The following PCDHGB2 variants were observed in gnomAD, a reference collection of about 807,000 sequenced individuals.
PCDHGB2 encodes the protein protocadherin gamma subfamily B, 2, also known as protocadherin gamma-B2.
In PCDHGB2, 55 loss-of-function variants were observed where a neutral mutation model predicts 59.3. That is an observed-to-expected ratio of 0.93 (90% CI 0.75 to 1.16). The LOEUF is 1.16. Ranked by LOEUF, PCDHGB2 falls within the 50% of genes most tolerant of loss-of-function variation. PCDHGB2 has a pLI of 0.00. For missense variants in PCDHGB2, 1,228 were observed against 1,198.5 expected (o/e 1.02, Z -0.36); for synonymous variants, 516 against 512.0 (o/e 1.01, Z -0.11).
chr5:141,407,123 C>T (rs1271155338), intron 1 of PCDHGB2, among the ~76,000 whole-genome samples: 2 of 152,078 alleles, frequency 1.3e-5, no homozygotes, highest in East Asian at 3.8e-4. Context: ...GTTTCAGTTG[C>T]TTTATTTTTA....
chr5:141,409,907 C>T (rs1370065492), intron 1 of PCDHGB2: 1 of 1,613,294 alleles, frequency 6.2e-7, no homozygotes, highest in East Asian at 2.2e-5. Flanking sequence ...AGCTCTGGGT[C>T]CTGACGGCTC....
chr5:141,431,020 G>A lies in PCDHGB2; in HGVS notation c.2422-63787G>A, dbSNP rs941765907. On this transcript the variant is annotated intron_variant, in intron 1 of 3. Transcript: ENST00000522605. This position sits in a 1 kb window ranked among gnomAD's most constrained non-coding sequence, Gnocchi z 4.8. ...CGCGCAGCGGCAGCTTGGTCACGGC[G>A]GGCAGGATAGACCGGGAGGAGCTCT... The A allele has an allele frequency of 9.9e-6, 16 of 1,614,050 alleles. No homozygotes were observed. Among genetic ancestry groups the A allele is most frequent in the East Asian group, 4.5e-5 (2 of 44,886 alleles).
At chr5:141,382,958 TG>T in intron 1 of PCDHGB2, 1 of 1,606,924 alleles carries the variant, frequency 6.2e-7, no homozygotes, top group Middle Eastern at 1.7e-4. Flanking sequence ...TCCATCCTCC[TG>T]GGGACCCCCT....
intron 2 of PCDHGB2, among the ~76,000 whole-genome samples, chr5:141,499,575 T>TCCCTA (rs2099792820): frequency 1.3e-5 from 2 of 152,202 alleles, no homozygotes; most frequent in Non-Finnish European, 2.9e-5. Context: ...CTTCAACTAA[T>TCCCTA]GCCTTATCTT....
At chr5:141,412,981 G>C (rs1309699690) in intron 1 of PCDHGB2, 2 of 546,326 alleles carry the variant, frequency 3.7e-6, no homozygotes, top group Non-Finnish European at 3.1e-6. Context: ...AACGCAGCCA[G>C]AGCTCAATCC....
intron 1 of PCDHGB2, chr5:141,429,208 G>A (rs568951026): frequency 5.4e-4 from 77 of 142,568 alleles, no homozygotes; most frequent in African/African-American, 1.9e-3. Context: ...ACACACACGT[G>A]TGAAAAGTGG....
chr5:141,422,563 G>A, intron 1 of PCDHGB2: 3 of 1,613,986 alleles, frequency 1.9e-6, no homozygotes, highest in African/African-American at 1.3e-5. Flanking sequence ...TGTGGCAGAT[G>A]ACAACGATAA....
In PCDHGB2 at chr5:141,493,103, A is replaced by G. The variant is rs1396614836; in HGVS notation, c.2422-1704A>G. Among the ~76,000 whole-genome samples the G allele has an allele frequency of 6.6e-6, 1 of 152,086 alleles. No homozygotes were observed. The highest frequency in any genetic ancestry group is 1.5e-5 in the Non-Finnish European group (1 of 68,022). On this transcript the variant is annotated intron_variant, in intron 1 of 3. Transcript: ENST00000522605. The surrounding 1 kb of genome is among the most constrained non-coding windows in gnomAD (Gnocchi z 4.3). ...AGGAGCTTTTATTCAAAATATATCA[A>G]TGCCTAACTCTGCTCCTAGGACTGT...
In PCDHGB2 at chr5:141,486,056, C is replaced by T; in HGVS notation, c.2422-8751C>T. 6.2e-7 allele frequency: 1 copy of T among 1,614,170 alleles called. No homozygotes were observed. The highest frequency in any genetic ancestry group is 8.5e-7 in the Non-Finnish European group (1 of 1,180,026). ...TGATCGTGTAAGAAACCTCTTTAGC[C>T]TGCACCCCACTACTGGAAAGCTTAC... On this transcript the variant is annotated intron_variant, in intron 1 of 3. Transcript: ENST00000522605. The surrounding 1 kb of genome is among the most constrained non-coding windows in gnomAD (Gnocchi z 5.0).
chr5:141,484,988 G>A (rs1187402042), intron 1 of PCDHGB2: 2 of 604,830 alleles, frequency 3.3e-6, no homozygotes, highest in Admixed American at 3.0e-5. Context: ...CAATCGGGTG[G>A]TGAAAGGCAG....
At chr5:141,450,998 T>C (rs2098703513) in intron 1 of PCDHGB2, among the ~76,000 whole-genome samples, 1 of 151,696 alleles carries the variant, frequency 6.6e-6, no homozygotes, top group Non-Finnish European at 1.5e-5. Flanking sequence ...CTAATTTTTT[T>C]GTATTTTTTT....
chr5:141,420,269 A>C, intron 1 of PCDHGB2: 1 of 1,544,558 alleles, frequency 6.5e-7, no homozygotes, highest in Non-Finnish European at 8.8e-7. Flanking sequence ...GAAGATTCTT[A>C]AACAGGTAAG....
intron 1 of PCDHGB2, chr5:141,439,845 T>C (rs983341549): frequency 6.6e-6 from 1 of 152,252 alleles, no homozygotes; most frequent in Non-Finnish European, 1.5e-5. Flanking sequence ...ACTCTAACTG[T>C]GGAAAAGGTG....
chr5:141,491,434 A>T lies in PCDHGB2; in HGVS notation c.2422-3373A>T. 6.2e-7 allele frequency: 1 copy of T among 1,614,032 alleles called. No homozygotes were observed. Among genetic ancestry groups the T allele is most frequent in the Non-Finnish European group, 8.5e-7 (1 of 1,179,988 alleles). On this transcript the variant is annotated intron_variant, in intron 1 of 3. Transcript: ENST00000522605. The surrounding 1 kb of genome is among the most constrained non-coding windows in gnomAD (Gnocchi z 6.9). ...GGACGGGGGTGGAGGGCAGTGCTGC[A>T]GGCGCCAGGACTCACCCTCCCCGGA...
At chr5:141,507,842 C>CT (rs2099864170) in intron 3 of PCDHGB2, among the ~76,000 whole-genome samples, 1 of 152,230 alleles carries the variant, frequency 6.6e-6, no homozygotes, top group Admixed American at 6.5e-5. Flanking sequence ...GGGTCAGGCC[C>CT]TGCTCTCACT....
intron 1 of PCDHGB2, chr5:141,372,458 A>G (rs778949462): frequency 3.7e-6 from 6 of 1,614,044 alleles, no homozygotes; most frequent in South Asian, 2.2e-5. Context: ...AGGCGGAGCT[A>G]CAGTTTCACC....
At chr5:141,433,605 G>C (rs1411907056) in intron 1 of PCDHGB2, among the ~76,000 whole-genome samples, 1 of 152,114 alleles carries the variant, frequency 6.6e-6, no homozygotes. Context: ...GGAGGCCGAG[G>C]CGGGTGGATC....
intron 1 of PCDHGB2, among the ~76,000 whole-genome samples, chr5:141,438,263 A>G (rs2097944986): frequency 6.6e-6 from 1 of 152,144 alleles, no homozygotes; most frequent in South Asian, 2.1e-4. Flanking sequence ...AAGAGACCAT[A>G]GAATCAAACA....
At chr5:141,405,031 C>T (rs760020802) in intron 1 of PCDHGB2, 4 of 1,613,968 alleles carry the variant, frequency 2.5e-6, no homozygotes, top group South Asian at 2.2e-5. Context: ...CCCTCTACCT[C>T]GTTGTGGCTG....
Sources: allele counts gnomAD v4.1 joint callset (sites outside exome capture counted in the v4.1 genomes callset), GRCh38; gene constraint gnomAD v4.1.1; non-coding constraint Gnocchi (gnomAD v3.1); transcripts MANE v1.5; gene names NCBI Gene and HGNC (gene_info 2026-07-23, HGNC 2026-07-21).